SOS1: variants seen among roughly 807,000 people sequenced by gnomAD.
SOS1 encodes SOS Ras/Rac guanine nucleotide exchange factor 1, also known as son of sevenless homolog 1.
A neutral mutation model predicts 157.6 loss-of-function variants in SOS1; 25 were observed. The ratio of observed to expected loss-of-function variants is 0.16; its 90% confidence interval spans 0.12 to 0.22. The LOEUF (loss-of-function observed/expected upper bound fraction) is 0.22, where lower values mean the gene tolerates loss of function less well. SOS1 is among the 10% of genes least tolerant of loss of function. SOS1 has a pLI of 1.00. For missense variants in SOS1, 1,237 were observed against 1,599.1 expected (o/e 0.77, Z 3.86); for synonymous variants, 528 against 534.0 (o/e 0.99, Z 0.16).
chr2:39,075,233 G>A (rs957728029), intron 1 of SOS1, among the ~76,000 whole-genome samples: 16 of 152,126 alleles, frequency 1.1e-4, no homozygotes, highest in African/African-American at 3.4e-4. Context: ...GGCCTGTTAA[G>A]GTAGAAGGAG....
chr2:39,034,475 T>A (rs139243128), intron 8 of SOS1, among the ~76,000 whole-genome samples: 1 of 152,242 alleles, frequency 6.6e-6, no homozygotes, highest in East Asian at 1.9e-4. Context: ...ATAATAACGC[T>A]ATTAATGCAT....
At chr2:39,002,054 C>T (rs960443718) in intron 17 of SOS1, among the ~76,000 whole-genome samples, 3 of 152,176 alleles carry the variant, frequency 2.0e-5, no homozygotes, top group Non-Finnish European at 4.4e-5. Flanking sequence ...CAGTGGCTCA[C>T]GCCTGTAATC....
intron 1 of SOS1, among the ~76,000 whole-genome samples, chr2:39,097,514 A>G (rs1672813514): frequency 6.6e-6 from 1 of 152,132 alleles, no homozygotes; most frequent in African/African-American, 2.4e-5. Flanking sequence ...GATGCTTGAT[A>G]AAGTTTGGCA....
At chr2:39,017,684 A>G (rs576461462) in intron 10 of SOS1, among the ~76,000 whole-genome samples, 50 of 152,216 alleles carry the variant, frequency 3.3e-4, no homozygotes, top group African/African-American at 1.2e-3. Context: ...GGCTGCATAT[A>G]GTCCCAGGCT....
chr2:38,989,209 C>T, intron 21 of SOS1, 61 bp downstream of exon 21: 1 of 1,154,810 alleles, frequency 8.7e-7, no homozygotes. Flanking sequence ...GGAAAGGTTA[C>T]ACTTGGTTTG....
At chr2:39,038,194 T>TA (rs1463582516) in intron 6 of SOS1, among the ~76,000 whole-genome samples, 4 of 152,186 alleles carry the variant, frequency 2.6e-5, no homozygotes, top group Non-Finnish European at 5.9e-5. Context: ...TAGATGCCAG[T>TA]AAGAACATTT....
chr2:39,026,641 A>G (rs1669974298), intron 8 of SOS1, among the ~76,000 whole-genome samples: 2 of 152,218 alleles, frequency 1.3e-5, no homozygotes, highest in African/African-American at 4.8e-5. Flanking sequence ...TTCCATCCCT[A>G]TCATTTGAAA....
chr2:39,049,222 T>G (rs1382981265), intron 6 of SOS1, among the ~76,000 whole-genome samples: 2 of 152,190 alleles, frequency 1.3e-5, no homozygotes, highest in Non-Finnish European at 2.9e-5. Context: ...CTGGCTATCC[T>G]TATTACTTTC....
At chr2:39,031,648 C>T (rs181262545) in intron 8 of SOS1, among the ~76,000 whole-genome samples, 139 of 152,104 alleles carry the variant, frequency 9.1e-4, no homozygotes, top group African/African-American at 2.7e-3. Context: ...CACTTCAGAC[C>T]GCAAGGCAGA....
chr2:39,005,510 TATAAG>T (rs999153815), intron 17 of SOS1, among the ~76,000 whole-genome samples: 3 of 152,034 alleles, frequency 2.0e-5, no homozygotes, highest in Non-Finnish European at 2.9e-5. Flanking sequence ...AATACAAAAA[TATAAG>T]ATATGATAAG....
intron 17 of SOS1, among the ~76,000 whole-genome samples, chr2:39,005,745 T>A (rs975455612): frequency 6.6e-6 from 1 of 151,672 alleles, no homozygotes; most frequent in African/African-American, 2.4e-5. Flanking sequence ...CTATAGCACA[T>A]ACTAAAGAGA....
chr2:39,016,069 A>T (rs1445566841), intron 10 of SOS1, among the ~76,000 whole-genome samples: 4 of 151,878 alleles, frequency 2.6e-5, no homozygotes, highest in African/African-American at 9.7e-5. Context: ...TCTCACTAAG[A>T]CCCATCCTAG....
At chr2:39,051,575 C>G (rs1294726819) in intron 5 of SOS1, among the ~76,000 whole-genome samples, 1 of 152,022 alleles carries the variant, frequency 6.6e-6, no homozygotes, top group African/African-American at 2.4e-5. Flanking sequence ...TTGTTTATAA[C>G]TATGTATTTC....
intron 13 of SOS1, among the ~76,000 whole-genome samples, chr2:39,012,973 C>T (rs1255334008): frequency 1.3e-5 from 2 of 152,090 alleles, no homozygotes; most frequent in Non-Finnish European, 2.9e-5. Flanking sequence ...CCTTAGAGAT[C>T]GACAAACCTA....
intron 4 of SOS1, among the ~76,000 whole-genome samples, chr2:39,056,028 AAG>A (rs1173121055): frequency 1.2e-4 from 18 of 152,236 alleles, no homozygotes; most frequent in Non-Finnish European, 2.6e-4. Context: ...TATCTGAAGA[AAG>A]CTAGGTGCTG....
intron 1 of SOS1, among the ~76,000 whole-genome samples, chr2:39,090,795 C>G (rs1672565024): frequency 6.6e-6 from 1 of 152,186 alleles, no homozygotes; most frequent in African/African-American, 2.4e-5. Context: ...AAACTTAAAT[C>G]ACCTAGCAAT....
intron 1 of SOS1, among the ~76,000 whole-genome samples, chr2:39,080,099 A>C (rs1572877424): frequency 6.6e-6 from 1 of 152,200 alleles, no homozygotes; most frequent in East Asian, 1.9e-4. Context: ...ATTGTAATAT[A>C]TAATAAAATA....
intron 1 of SOS1, among the ~76,000 whole-genome samples, chr2:39,106,660 TAC>T: frequency 6.7e-6 from 1 of 149,392 alleles, no homozygotes; most frequent in Non-Finnish European, 1.5e-5. Flanking sequence ...ATCTTTAAAT[TAC>T]TTATTTTCCC....
rs368767111 is a variant in SOS1 at position 38,989,303 on chromosome 2, C to T, written c.3358G>A (p.Val1120Ile). 8 of 1,605,512 alleles carry T rather than the reference C, an allele frequency of 5.0e-6. No individual in the cohort carries two copies. The highest frequency in any genetic ancestry group is 2.2e-5 in the East Asian group (1 of 44,748). Residue 1120 changes from valine (V) to isoleucine (I), a missense_variant, in exon 21 of 23, where the codon GTC becomes ATC. Val to Ile is a conservative substitution (Grantham distance 29, BLOSUM62 3). Transcript: ENST00000402219. The part of the protein sequence containing the change: ...SSPFHSSNDT[V>I]FIQVTLPHGP... Reference sequence around the variant, plus strand: ...TGGGGCAGAGTAACTTGGATAAAGACGGTATCATTGCCTGTGAAAGGAAAC... The same window carrying T: ...TGGGGCAGAGTAACTTGGATAAAGATGGTATCATTGCCTGTGAAAGGAAAC...
Sources: allele counts gnomAD v4.1 joint callset (sites outside exome capture counted in the v4.1 genomes callset), GRCh38; gene constraint gnomAD v4.1.1; transcripts MANE v1.5; gene names NCBI Gene and HGNC (gene_info 2026-07-23, HGNC 2026-07-21).